The following GABRB1 variants were observed in gnomAD, a reference collection of about 807,000 sequenced individuals.
GABRB1 encodes gamma-aminobutyric acid receptor subunit beta-1.
Under a neutral mutation model 51.6 loss-of-function variants are expected in GABRB1, and 17 were observed. That is an observed-to-expected ratio of 0.33 (90% CI 0.23 to 0.49). The LOEUF (loss-of-function observed/expected upper bound fraction) is 0.49, where lower values mean the gene tolerates loss of function less well. GABRB1 is among the 20% of genes least tolerant of loss of function. The pLI is 0.99. For missense variants in GABRB1, 410 were observed against 600.6 expected, an observed-to-expected ratio of 0.68 and a Z score of 3.32; for synonymous variants, 247 against 218.9, an observed-to-expected ratio of 1.13 and a Z score of -1.14.
chr4:47,291,628 C>T (rs1470597333), intron 4 of GABRB1, among the ~76,000 whole-genome samples: 1 of 152,188 alleles, frequency 6.6e-6, no homozygotes, highest in East Asian at 1.9e-4. Flanking sequence ...GAGGAAGAGC[C>T]ACCGAAGACT....
intron 4 of GABRB1, among the ~76,000 whole-genome samples, chr4:47,193,739 A>T (rs2109786677): frequency 6.6e-6 from 1 of 152,366 alleles, no homozygotes; most frequent in South Asian, 2.1e-4. Context: ...TTGTGCAAAG[A>T]GGATGCTAAA....
At chr4:47,126,514 C>T (rs1283430937) in intron 3 of GABRB1, among the ~76,000 whole-genome samples, 1 of 151,964 alleles carries the variant, frequency 6.6e-6, no homozygotes, top group Non-Finnish European at 1.5e-5. Context: ...TTTAAGACAC[C>T]ATTTTGTACA....
intron 3 of GABRB1, among the ~76,000 whole-genome samples, chr4:47,079,503 T>C (rs900318656): frequency 1.3e-5 from 2 of 152,102 alleles, no homozygotes; most frequent in Admixed American, 6.6e-5. Flanking sequence ...ACTGGGTATA[T>C]ACCCAAAGGA....
At chr4:47,330,426 T>C (rs1725436456) in intron 5 of GABRB1, among the ~76,000 whole-genome samples, 1 of 152,188 alleles carries the variant, frequency 6.6e-6, no homozygotes, top group Middle Eastern at 3.2e-3. Context: ...AGTAGCGATA[T>C]GTGGCTCTTT....
intron 3 of GABRB1, among the ~76,000 whole-genome samples, chr4:47,070,951 C>T (rs952123876): frequency 3.9e-5 from 6 of 152,118 alleles, no homozygotes; most frequent in Non-Finnish European, 5.9e-5. Flanking sequence ...TTGTCTAATA[C>T]GCATCTCAAA....
At chr4:47,045,653 GTGC>G (rs1726051130) in intron 3 of GABRB1, among the ~76,000 whole-genome samples, 1 of 152,002 alleles carries the variant, frequency 6.6e-6, no homozygotes, top group Non-Finnish European at 1.5e-5. Context: ...TTCACATGGT[GTGC>G]TTACATGGTG....
intron 3 of GABRB1, among the ~76,000 whole-genome samples, chr4:47,120,479 T>C (rs1715728395): frequency 6.6e-6 from 1 of 152,128 alleles, no homozygotes; most frequent in African/African-American, 2.4e-5. Context: ...GCAGCTGAAC[T>C]GGTACCTAAG....
At chr4:47,049,083 T>A (rs1256399342) in intron 3 of GABRB1, among the ~76,000 whole-genome samples, 1 of 151,428 alleles carries the variant, frequency 6.6e-6, no homozygotes, top group Admixed American at 6.6e-5. Context: ...AAAAAAACTG[T>A]TGCCAGAGGA....
At chr4:47,074,905 C>T (rs1324664330) in intron 3 of GABRB1, among the ~76,000 whole-genome samples, 3 of 152,154 alleles carry the variant, frequency 2.0e-5, no homozygotes, top group African/African-American at 4.8e-5. Context: ...AAGATTATCT[C>T]AGTATTTAAG....
intron 5 of GABRB1, among the ~76,000 whole-genome samples, chr4:47,400,512 T>C (rs1381114315): frequency 7.0e-6 from 1 of 142,870 alleles, no homozygotes; most frequent in Non-Finnish European, 1.5e-5. Context: ...AGCCTGTTGA[T>C]GCACCAGGAG....
At chr4:47,242,874 G>T (rs1179258543) in intron 4 of GABRB1, among the ~76,000 whole-genome samples, 1 of 152,180 alleles carries the variant, frequency 6.6e-6, no homozygotes, top group Non-Finnish European at 1.5e-5. Flanking sequence ...TTGCTGTGCA[G>T]AAGCTCTTTA....
chr4:47,007,196 A>C (rs760443766), intron 1 of GABRB1, among the ~76,000 whole-genome samples: 3 of 152,192 alleles, frequency 2.0e-5, no homozygotes, highest in Non-Finnish European at 4.4e-5. Context: ...GTAAAGACAG[A>C]AAATTTTAAG....
At chr4:47,385,036 T>C (rs1249101809) in intron 5 of GABRB1, among the ~76,000 whole-genome samples, 1 of 152,188 alleles carries the variant, frequency 6.6e-6, no homozygotes, top group African/African-American at 2.4e-5. Context: ...TCATTACACT[T>C]TCCGGAGAAT....
intron 3 of GABRB1, among the ~76,000 whole-genome samples, chr4:47,075,729 T>A (rs1194125271): frequency 6.6e-6 from 1 of 151,970 alleles, no homozygotes; most frequent in Non-Finnish European, 1.5e-5. Context: ...TTAGAAAAAA[T>A]GTGAAAATAG....
intron 3 of GABRB1, among the ~76,000 whole-genome samples, chr4:47,040,238 T>A (rs1725780080): frequency 6.6e-6 from 1 of 152,178 alleles, no homozygotes; most frequent in African/African-American, 2.4e-5. Context: ...ACAAAGTGTT[T>A]AAAGGCAACT....
chr4:47,135,277 T>A (rs1338686741), intron 3 of GABRB1, among the ~76,000 whole-genome samples: 2 of 152,260 alleles, frequency 1.3e-5, no homozygotes, highest in African/African-American at 4.8e-5. Context: ...GCTTTAGGAA[T>A]CGGCAGCACA....
chr4:47,123,383 T>A (rs1341088570), intron 3 of GABRB1, among the ~76,000 whole-genome samples: 4 of 120,018 alleles, frequency 3.3e-5, no homozygotes, highest in South Asian at 2.3e-4. Flanking sequence ...ATATTATATT[T>A]TATATATATA....
At chr4:47,007,804 ACT>A (rs1724451341) in intron 1 of GABRB1, among the ~76,000 whole-genome samples, 2 of 149,906 alleles carry the variant, frequency 1.3e-5, no homozygotes, top group South Asian at 4.2e-4. Flanking sequence ...TGTAAGCCTT[ACT>A]TAGGACATTT....
At chr4:46,996,589 C>A (rs963594227) in intron 1 of GABRB1, among the ~76,000 whole-genome samples, 1 of 151,944 alleles carries the variant, frequency 6.6e-6, no homozygotes, top group African/African-American at 2.4e-5. Context: ...TAGTATGGAC[C>A]AACATTTTAA....
Sources: allele counts gnomAD v4.1 joint callset (sites outside exome capture counted in the v4.1 genomes callset), GRCh38; gene constraint gnomAD v4.1.1; transcripts MANE v1.5; gene names NCBI Gene and HGNC (gene_info 2026-07-23, HGNC 2026-07-21).